Variants in SIL1 observed in about 807,000 individuals in gnomAD.
SIL1 encodes the protein nucleotide exchange factor SIL1.
In SIL1, 40 loss-of-function variants were observed where a neutral mutation model predicts 49.1. That is an observed-to-expected ratio of 0.81 (90% CI 0.63 to 1.06). The LOEUF (loss-of-function observed/expected upper bound fraction) is 1.06. Ranked by LOEUF, SIL1 falls within the 50% of genes least tolerant of loss-of-function variation. The pLI is 0.00. For synonymous variants in SIL1, 253 were observed against 250.8 expected (o/e 1.01, Z -0.08); for missense variants, 500 against 572.6 (o/e 0.87, Z 1.29).
chr5:138,994,067 T>C (rs1237497936), intron 7 of SIL1, among the ~76,000 whole-genome samples: 1 of 152,092 alleles, frequency 6.6e-6, no homozygotes, highest in Non-Finnish European at 1.5e-5. Flanking sequence ...TCATATTTAG[T>C]GGTAAAATAT....
At chr5:139,175,111 C>T (rs909166000) in intron 1 of SIL1, among the ~76,000 whole-genome samples, 19 of 152,108 alleles carry the variant, frequency 1.2e-4, no homozygotes, top group Non-Finnish European at 2.6e-4. Flanking sequence ...CACCTGAGGT[C>T]AGGAGTTGGA....
At chr5:139,097,306 C>T (rs1172965236) in intron 3 of SIL1, among the ~76,000 whole-genome samples, 1 of 152,004 alleles carries the variant, frequency 6.6e-6, no homozygotes, top group African/African-American at 2.4e-5. Context: ...GGATATGGGC[C>T]TGGCTGGCTT....
chr5:138,951,100 T>C lies in SIL1; in HGVS notation c.1029+71A>G, dbSNP rs1766761802. 3 of 1,538,166 alleles carry C rather than the reference T, an allele frequency of 2.0e-6. No homozygotes were observed. In the Admixed American group the frequency reaches 5.4e-5, roughly 28 times the overall value. On this transcript the variant is annotated intron_variant, in intron 9 of 9. Coordinates refer to ENST00000394817, the MANE Select transcript of SIL1 (RefSeq NM_022464.5). Reference sequence around the variant, plus strand: ...CAAGTGACGTCCGCAGTCTCTTCCATCTGTCTGTCCATCCACCCAGAAGCA... The same window carrying C: ...CAAGTGACGTCCGCAGTCTCTTCCACCTGTCTGTCCATCCACCCAGAAGCA...
chr5:139,155,448 T>TGAGGGAGAGAGAGAGAGAGAGAGAGA (rs1751386846), intron 1 of SIL1: 1 of 125,910 alleles, frequency 7.9e-6, no homozygotes, highest in African/African-American at 2.7e-5. Context: ...GTACACAGAG[T>TGAGGGAGAGAGAGAGAGAGAGAGAGA]GAGAGAGAGA....
At chr5:139,175,390 T>C (rs1751861060) in intron 1 of SIL1, among the ~76,000 whole-genome samples, 1 of 152,070 alleles carries the variant, frequency 6.6e-6, no homozygotes, top group Non-Finnish European at 1.5e-5. Flanking sequence ...ATAACCTAGA[T>C]ATGGACAAAT....
intron 2 of SIL1, among the ~76,000 whole-genome samples, chr5:139,122,347 C>T (rs1456030510): frequency 6.6e-6 from 1 of 152,146 alleles, no homozygotes; most frequent in African/African-American, 2.4e-5. Flanking sequence ...AATCCCAGCA[C>T]TTTGAGAGGC....
chr5:139,000,206 G>T (rs1459770253), intron 7 of SIL1, among the ~76,000 whole-genome samples: 1 of 152,144 alleles, frequency 6.6e-6, no homozygotes, highest in Non-Finnish European at 1.5e-5. Flanking sequence ...TGTTTTTTCA[G>T]CATCCATTGA....
chr5:139,028,650 T>C (rs1423527778), intron 5 of SIL1, among the ~76,000 whole-genome samples: 1 of 152,198 alleles, frequency 6.6e-6, no homozygotes, highest in African/African-American at 2.4e-5. Flanking sequence ...ACATTTTACA[T>C]AAGGATATTA....
At chr5:139,126,690 T>C (rs2151795877) in intron 2 of SIL1, among the ~76,000 whole-genome samples, 1 of 152,296 alleles carries the variant, frequency 6.6e-6, no homozygotes, top group Non-Finnish European at 1.5e-5. Flanking sequence ...CTCCTAACTG[T>C]ATGTTTTCCC....
intron 3 of SIL1, among the ~76,000 whole-genome samples, chr5:139,065,601 T>C (rs748830450): frequency 2.0e-5 from 3 of 152,208 alleles, no homozygotes; most frequent in Non-Finnish European, 4.4e-5. Flanking sequence ...TCTAGGCCAA[T>C]GCACACAAGG....
chr5:139,050,507 T>C (rs1265357556), intron 4 of SIL1, among the ~76,000 whole-genome samples: 1 of 152,242 alleles, frequency 6.6e-6, no homozygotes, highest in Non-Finnish European at 1.5e-5. Flanking sequence ...TACTGACTAA[T>C]GAGAGGAAAA....
rs576155722 is a variant in SIL1 at position 139,140,453 on chromosome 5, T to G, written c.-10-12600A>C. ...TACTACCATGTTGGTATCAACTATGTCTTCCAGGTAAGTCAGCAACTGCAA... is the reference window on the plus strand; with the variant it reads ...TACTACCATGTTGGTATCAACTATGGCTTCCAGGTAAGTCAGCAACTGCAA... On this transcript the variant is annotated intron_variant, in intron 1 of 9. Transcript: ENST00000394817. 2.0e-5 allele frequency among the ~76,000 whole-genome samples: 3 copies of G among 152,382 alleles called. No homozygotes were observed. The South Asian group carries it at 6.2e-4, about 32-fold the overall frequency.
chr5:139,051,004 T>C lies in SIL1; in HGVS notation c.287A>G (p.Gln96Arg). 1.2e-6 allele frequency: 2 copies of C among 1,614,206 alleles called. No individual in the cohort carries two copies. Among genetic ancestry groups the C allele is most frequent in the Non-Finnish European group, 1.7e-6 (2 of 1,180,034 alleles). ...PAGSHVRLNL[Q>R]TGEREAKLQY... Reference sequence around the variant, plus strand: ...GAGTTTTGCCTCTCTTTCCCCAGTCTGAAGATTCAGCCGTACGTGGGATCC... The same window carrying C: ...GAGTTTTGCCTCTCTTTCCCCAGTCCGAAGATTCAGCCGTACGTGGGATCC... The change falls in exon 4 of 10, where the codon CAG becomes CGG. Residue 96 changes from glutamine to arginine, a missense_variant. Gln to Arg is a conservative substitution (Grantham distance 43). Coordinates refer to ENST00000394817, the MANE Select transcript of SIL1 (RefSeq NM_022464.5).
At chr5:139,180,657 G>C (rs1751967416) in intron 1 of SIL1, among the ~76,000 whole-genome samples, 1 of 152,104 alleles carries the variant, frequency 6.6e-6, no homozygotes, top group Admixed American at 6.6e-5. Flanking sequence ...TTTGTTGTAG[G>C]GAGCAAAATT....
intron 7 of SIL1, among the ~76,000 whole-genome samples, chr5:139,001,533 A>C (rs1243018506): frequency 6.6e-6 from 1 of 152,224 alleles, no homozygotes; most frequent in Admixed American, 6.5e-5. Flanking sequence ...ACAACATAGA[A>C]AACTACTAAA....
chr5:139,102,496 AAAAAAGAG>A (rs34680315), intron 3 of SIL1, among the ~76,000 whole-genome samples: 48,302 of 143,844 alleles, frequency 0.34, 8,274 homozygotes, highest in Middle Eastern at 0.44. Flanking sequence ...AAAAAAAAAA[AAAAAAGAG>A]AGAGAGAGAG....
At chr5:139,182,167 C>A (rs1361338408) in intron 1 of SIL1, among the ~76,000 whole-genome samples, 10 of 152,220 alleles carry the variant, frequency 6.6e-5, no homozygotes, top group African/African-American at 2.2e-4. Flanking sequence ...CCTCAACACG[C>A]TGCTCTCATT....
intron 3 of SIL1, among the ~76,000 whole-genome samples, chr5:139,115,277 C>T (rs1770963554): frequency 1.3e-5 from 2 of 152,146 alleles, no homozygotes; most frequent in African/African-American, 4.8e-5. Flanking sequence ...GACCCTGGTT[C>T]CTGGCTCATT....
At chr5:139,021,686 A>G (rs1581036775) in intron 6 of SIL1, 5 of 311,294 alleles carry the variant, frequency 1.6e-5, no homozygotes, top group Admixed American at 4.5e-5. Context: ...TCCAATCCCA[A>G]TGGGGACAGT....
Sources: allele counts gnomAD v4.1 joint callset (sites outside exome capture counted in the v4.1 genomes callset), GRCh38; gene constraint gnomAD v4.1.1; transcripts MANE v1.5; gene names NCBI Gene and HGNC (gene_info 2026-07-23, HGNC 2026-07-21).